OSBPL5: variants seen among roughly 807,000 people sequenced by gnomAD.
The protein encoded by OSBPL5 is oxysterol binding protein like 5.
OSBPL5 carries 71 observed loss-of-function variants against 111.2 expected under a neutral mutation model. That is an observed-to-expected ratio of 0.64 (90% confidence interval 0.53 to 0.78). The LOEUF is 0.78. Among genes scored for constraint, OSBPL5 ranks in the 30% least tolerant of loss-of-function variants. The probability of loss-of-function intolerance (pLI) is 0.00; values close to 1 mark genes in which losing one functional copy is unlikely to be tolerated. For missense variants in OSBPL5, 1,210 were observed against 1,189.3 expected, an observed-to-expected ratio of 1.02 and a Z score of -0.26; for synonymous variants, 549 against 513.9, an observed-to-expected ratio of 1.07 and a Z score of -0.93.
At chr11:3,157,365 G>T (rs1422359188) in intron 1 of OSBPL5, among the ~76,000 whole-genome samples, 1 of 152,178 alleles carries the variant, frequency 6.6e-6, no homozygotes. Context: ...ATGAGACAGG[G>T]TTCCAGGAGA....
At chr11:3,155,416 T>A (rs1846723354) in intron 1 of OSBPL5, among the ~76,000 whole-genome samples, 1 of 151,910 alleles carries the variant, frequency 6.6e-6, no homozygotes, top group Non-Finnish European at 1.5e-5. Context: ...GGGGGATGGG[T>A]GCCCCAGCTC....
Position 3,136,746 on chromosome 11 carries a change from T to C in OSBPL5, c.-21-7577A>G, listed in dbSNP as rs994265561. Among the ~76,000 whole-genome samples, 17 of 152,326 alleles carry C rather than the reference T, an allele frequency of 1.1e-4. 1 individual carries two copies. Among genetic ancestry groups the C allele is most frequent in the Admixed American group, 5.2e-4 (8 of 15,306 alleles). On this transcript the variant is annotated intron_variant, in intron 1 of 21. Transcript: ENST00000263650. ...CCAGCCCCCTCCACGCCTATGTGGC[T>C]TCCTCACCCACAGCCCAGAGTGACA... is the stretch of plus-strand genomic sequence containing the variant.
At position 3,109,065 on chromosome 11, in the gene OSBPL5, G is replaced by C. The variant is rs187967946; in HGVS notation, c.692-1120C>G. On this transcript the variant is annotated intron_variant, in intron 7 of 21. Transcript: ENST00000263650. This position sits in a 1 kb window ranked among gnomAD's most constrained non-coding sequence, Gnocchi z 7.4. ...TTACAGGTGTGAGCCACCACACCGG[G>C]TCAATAAGTGTGTTTTTTGTTTTTG... is the stretch of plus-strand genomic sequence containing the variant. Among the ~76,000 whole-genome samples, 767 of 151,998 alleles carry C rather than the reference G, an allele frequency of 5.0e-3. 9 individuals carry two copies. The highest frequency in any genetic ancestry group is 0.026 in the South Asian group (126 of 4,802).
At chr11:3,135,061 G>A (rs967355641) in intron 1 of OSBPL5, among the ~76,000 whole-genome samples, 2 of 152,200 alleles carry the variant, frequency 1.3e-5, no homozygotes, top group African/African-American at 4.8e-5. Context: ...CTTCTTCCTC[G>A]GAGACCCAGC....
intron 1 of OSBPL5, among the ~76,000 whole-genome samples, chr11:3,148,091 A>G (rs1255395464): frequency 6.6e-6 from 1 of 152,216 alleles, no homozygotes; most frequent in African/African-American, 2.4e-5. Flanking sequence ...CTGCACCCCC[A>G]GTGCCCGAAC....
At chr11:3,159,645 G>T (rs1484926713) in intron 1 of OSBPL5, among the ~76,000 whole-genome samples, 1 of 152,220 alleles carries the variant, frequency 6.6e-6, no homozygotes, top group Non-Finnish European at 1.5e-5. Context: ...GGGCTAGAGA[G>T]GTGGAGGGTC....
intron 1 of OSBPL5, among the ~76,000 whole-genome samples, chr11:3,164,935 C>G (rs1047137325): frequency 4.0e-5 from 6 of 151,670 alleles, no homozygotes; most frequent in Non-Finnish European, 5.9e-5. Context: ...CTCGCGGGCC[C>G]CACCCGCCCC....
At chr11:3,135,444 G>A (rs1845924404) in intron 1 of OSBPL5, among the ~76,000 whole-genome samples, 1 of 151,676 alleles carries the variant, frequency 6.6e-6, no homozygotes, top group Non-Finnish European at 1.5e-5. Flanking sequence ...AACCGTGGCA[G>A]CCAGGCAGAG....
chr11:3,148,691 C>G (rs1179133295), intron 1 of OSBPL5, among the ~76,000 whole-genome samples: 1 of 152,178 alleles, frequency 6.6e-6, no homozygotes, highest in Non-Finnish European at 1.5e-5. Context: ...AAGGGAAATC[C>G]ACTACCCAGA....
chr11:3,119,709 C>T (rs555623724), intron 6 of OSBPL5, 78 bp from the exon 7 acceptor site: 50 of 1,389,172 alleles, frequency 3.6e-5, no homozygotes, highest in Middle Eastern at 4.1e-4. Context: ...CAGAACCATG[C>T]GGATCCACAC....
intron 1 of OSBPL5, among the ~76,000 whole-genome samples, chr11:3,129,746 T>G (rs1858762251): frequency 6.6e-6 from 1 of 152,218 alleles, no homozygotes; most frequent in African/African-American, 2.4e-5. Flanking sequence ...GCCCCAACAG[T>G]TTCAGTTGCA....
chr11:3,145,208 C>T (rs113515023), intron 1 of OSBPL5, among the ~76,000 whole-genome samples: 3,860 of 152,262 alleles, frequency 0.025, 108 homozygotes, highest in African/African-American at 0.06. Flanking sequence ...TGCCTCCCAT[C>T]GCCTGTGGCA....
At chr11:3,102,329 C>T (rs779815309) in intron 11 of OSBPL5, 48 bp from the exon 12 acceptor site, 40 of 1,531,626 alleles carry the variant, frequency 2.6e-5, no homozygotes, top group African/African-American at 1.6e-4. Context: ...GTAAGAGGTC[C>T]GCTGTGCAGA....
At chr11:3,157,516 C>T (rs1368791891) in intron 1 of OSBPL5, among the ~76,000 whole-genome samples, 1 of 152,194 alleles carries the variant, frequency 6.6e-6, no homozygotes, top group Non-Finnish European at 1.5e-5. Flanking sequence ...AGGGCCTGTG[C>T]CAAGACAGAG....
At chr11:3,132,236 C>G (rs1336303383) in intron 1 of OSBPL5, among the ~76,000 whole-genome samples, 1 of 151,980 alleles carries the variant, frequency 6.6e-6, no homozygotes, top group Non-Finnish European at 1.5e-5. Flanking sequence ...AGGTGTGTAC[C>G]AGGGACTATC....
At position 3,099,183 on chromosome 11, in the gene OSBPL5, ACAT is replaced by A. The variant is rs1308792539; in HGVS notation, c.1621+972_1621+974del. The stretch of plus-strand genomic sequence containing the variant: ...CACACCGTATGATTCCAACTACATG[ACAT>A]TCCGGAAAAAGCCAGGGCCTGGAGG... On this transcript the variant is annotated intron_variant, in intron 14 of 21. Transcript: ENST00000263650. Among the ~76,000 whole-genome samples, 3 of 152,326 alleles carry A rather than the reference ACAT, an allele frequency of 2.0e-5. No individual in the cohort carries two copies. The East Asian group carries it at 5.8e-4, about 29-fold the overall frequency.
chr11:3,127,702 T>A lies in OSBPL5; in HGVS notation c.137-1147A>T, dbSNP rs540884719. On this transcript the variant is annotated intron_variant, in intron 2 of 21. Transcript: ENST00000263650. The stretch of plus-strand genomic sequence containing the variant: ...GGCCTGTGGCCGCCAGCAAACTACT[T>A]TCCATGTGGATGCTGCCTCCTGGCC... 7.2e-5 allele frequency among the ~76,000 whole-genome samples: 11 copies of A among 152,234 alleles called. No homozygotes were observed. In the South Asian group the frequency reaches 1.0e-3, roughly 14 times the overall value.
At position 3,121,183 on chromosome 11, in the gene OSBPL5, G is replaced by A. The variant is rs1004634123; in HGVS notation, c.403-559C>T. On this transcript the variant is annotated intron_variant, in intron 5 of 21. Transcript: ENST00000263650. This position sits in a 1 kb window ranked among gnomAD's most constrained non-coding sequence, Gnocchi z 4.3. ...AGCGATTCTCCTGCCTCAGCCGCCC[G>A]AGTAGCTGGGATTACAGGCGCCCGC... is the stretch of plus-strand genomic sequence containing the variant. 2.0e-5 allele frequency among the ~76,000 whole-genome samples: 3 copies of A among 150,996 alleles called. No homozygotes were observed. The highest frequency in any genetic ancestry group is 2.0e-4 in the East Asian group (1 of 5,094).
intron 1 of OSBPL5, among the ~76,000 whole-genome samples, chr11:3,131,795 ACCCATTCATTC>A (rs1845804606): frequency 7.9e-6 from 1 of 126,410 alleles, no homozygotes. Context: ...CCATCCACCT[ACCCATTCATTC>A]ATCCATCCAT....
Sources: allele counts gnomAD v4.1 joint callset (sites outside exome capture counted in the v4.1 genomes callset), GRCh38; gene constraint gnomAD v4.1.1; non-coding constraint Gnocchi (gnomAD v3.1); transcripts MANE v1.5; gene names NCBI Gene and HGNC (gene_info 2026-07-23, HGNC 2026-07-21).